PBRM1: variants seen among roughly 807,000 people sequenced by gnomAD.
PBRM1 encodes protein polybromo-1.
Under a neutral mutation model 194.5 loss-of-function variants are expected in PBRM1, and 27 were observed. The observed-to-expected ratio is 0.14, with a 90% CI of 0.10 to 0.19. PBRM1 has a LOEUF of 0.19. Among genes scored for constraint, PBRM1 ranks in the 10% least tolerant of loss-of-function variants. PBRM1 has a pLI of 1.00. For synonymous variants in PBRM1, 655 were observed against 693.2 expected, an observed-to-expected ratio of 0.94 and a Z score of 0.87; for missense variants, 1,466 against 2,077.2, an observed-to-expected ratio of 0.71 and a Z score of 5.72.
chr3:52,650,385 TAA>T (rs35462727), intron 6 of PBRM1, among the ~76,000 whole-genome samples: 1 of 119,344 alleles, frequency 8.4e-6, no homozygotes, highest in Non-Finnish European at 1.7e-5. Flanking sequence ...AAAAAAACCC[TAA>T]AAAAAAAAAA....
At chr3:52,659,043 G>C (rs530033508) in intron 4 of PBRM1, among the ~76,000 whole-genome samples, 6 of 152,224 alleles carry the variant, frequency 3.9e-5, no homozygotes, top group African/African-American at 1.4e-4. Context: ...CATAGAGTTG[G>C]GACTACATAC....
At chr3:52,667,812 C>T (rs529625360) in intron 3 of PBRM1, among the ~76,000 whole-genome samples, 42 of 148,742 alleles carry the variant, frequency 2.8e-4, no homozygotes, top group African/African-American at 1.0e-3. Flanking sequence ...GTAGTCCCAG[C>T]TACTCATGAG....
At chr3:52,569,501 C>T (rs1433359824) in intron 22 of PBRM1, among the ~76,000 whole-genome samples, 2 of 152,190 alleles carry the variant, frequency 1.3e-5, no homozygotes, top group African/African-American at 2.4e-5. Flanking sequence ...TGAGCCACCG[C>T]GCCCGGCCTT....
chr3:52,679,641 T>C (rs775590005), exon 1 of PBRM1: 18 of 1,613,990 alleles, frequency 1.1e-5, no homozygotes, highest in Middle Eastern at 3.3e-4. Context: ...TGACACAGAA[T>C]GGTGCCCATC....
intron 15 of PBRM1, among the ~76,000 whole-genome samples, chr3:52,610,307 T>C (rs931435560): frequency 6.6e-6 from 1 of 152,224 alleles, no homozygotes; most frequent in African/African-American, 2.4e-5. Flanking sequence ...AGGACATTAA[T>C]AATTACCTTG....
chr3:52,580,924 A>G (rs938735467), intron 20 of PBRM1, among the ~76,000 whole-genome samples: 2 of 152,216 alleles, frequency 1.3e-5, no homozygotes, highest in African/African-American at 4.8e-5. Flanking sequence ...AAAAAAGAAA[A>G]AGCAAAAAGA....
At chr3:52,587,248 G>T (rs747406202) in intron 19 of PBRM1, 105 bp downstream of exon 21, 718 of 880,734 alleles carry the variant, frequency 8.2e-4, no homozygotes, top group Non-Finnish European at 1.1e-3. Context: ...TTAAAAAATA[G>T]CTTAAAACAG....
chr3:52,609,418 G>T lies in PBRM1; in HGVS notation c.2462C>A (p.Thr821Lys), dbSNP rs771658417. 1 of 1,613,708 alleles carries T rather than the reference G, an allele frequency of 6.2e-7. No individual in the cohort carries two copies. Among genetic ancestry groups the T allele is most frequent in the East Asian group, 2.2e-5 (1 of 44,884 alleles). Residue 821 changes from threonine (T) to lysine (K), a missense_variant, in exon 16 of 30, where the codon ACA becomes AAA. Physicochemically the swap from Thr to Lys is moderately conservative, Grantham distance 78. This residue lies in a region of PBRM1 where 687 missense variants were observed against 946.2 expected (regional missense o/e 0.73). Transcript: ENST00000296302. This position sits in a 1 kb window ranked among gnomAD's most constrained non-coding sequence, Gnocchi z 4.1. ...AACATTCTTCCTAATTATGTCAAAT[G>T]TAAGGGGTGGTTTGTTAGGAAAGTT...
intron 19 of PBRM1, 59 bp from the exon 22 acceptor site, chr3:52,586,747 T>TTAAAA: frequency 6.9e-6 from 1 of 145,086 alleles, no homozygotes; most frequent in Non-Finnish European, 1.1e-5. Context: ...TGAAAATCAA[T>TTAAAA]CAAAAAAAAA....
intron 21 of PBRM1, among the ~76,000 whole-genome samples, chr3:52,577,864 C>T (rs947270312): frequency 4.6e-5 from 7 of 152,168 alleles, no homozygotes; most frequent in Non-Finnish European, 8.8e-5. Context: ...AAGATCTAAA[C>T]CAAATGTCAC....
intron 3 of PBRM1, 74 bp downstream of exon 4, chr3:52,668,424 T>C: frequency 9.0e-7 from 1 of 1,114,424 alleles, no homozygotes; most frequent in South Asian, 1.6e-5. Flanking sequence ...CTGCCAGGTT[T>C]ATAAATATTA....
At chr3:52,565,481 C>T (rs2084894131) in intron 22 of PBRM1, among the ~76,000 whole-genome samples, 1 of 151,280 alleles carries the variant, frequency 6.6e-6, no homozygotes, top group African/African-American at 2.4e-5. Flanking sequence ...GCACTCCAGC[C>T]TGGGCAATAG....
downstream of PBRM1, chr3:52,545,378 A>G (rs2079575497): frequency 4.4e-6 from 1 of 227,248 alleles, no homozygotes; most frequent in Admixed American, 5.7e-5. Context: ...CACTTTGCAA[A>G]CTCTGTATTT....
At chr3:52,606,364 C>T (rs989974759) in intron 16 of PBRM1, among the ~76,000 whole-genome samples, 6 of 152,042 alleles carry the variant, frequency 3.9e-5, no homozygotes, top group African/African-American at 1.4e-4. Flanking sequence ...ATTCTGTTCA[C>T]TTGAAATTAA....
At chr3:52,656,425 A>G (rs976370826) in intron 5 of PBRM1, among the ~76,000 whole-genome samples, 3 of 152,160 alleles carry the variant, frequency 2.0e-5, no homozygotes, top group African/African-American at 7.2e-5. Context: ...GCACTCTGGG[A>G]GGCTGAGGCA....
intron 2 of PBRM1, among the ~76,000 whole-genome samples, chr3:52,669,010 T>C (rs1404929750): frequency 6.6e-6 from 1 of 152,136 alleles, no homozygotes; most frequent in Non-Finnish European, 1.5e-5. Flanking sequence ...CTCAAAAGTG[T>C]GAAAACAGAG....
At chr3:52,641,812 C>T in intron 10 of PBRM1, 142 bp downstream of exon 11, 1 of 731,306 alleles carries the variant, frequency 1.4e-6, no homozygotes, top group Non-Finnish European at 2.5e-6. Flanking sequence ...ATAGGTCTGA[C>T]TACCAGAGTA....
chr3:52,612,506 C>G (rs921816965), intron 15 of PBRM1, among the ~76,000 whole-genome samples: 1 of 151,994 alleles, frequency 6.6e-6, no homozygotes, highest in Non-Finnish European at 1.5e-5. Flanking sequence ...GCCTGTCTAA[C>G]CTAGAACTTG....
At position 52,603,506 on chromosome 3, in the gene PBRM1, TGAAAA is replaced by T. The variant is rs1426285278; in HGVS notation, c.2779+10_2779+14del. On this transcript the variant is annotated intron_variant, in intron 17 of 29. Coordinates refer to ENST00000296302, the Ensembl canonical transcript of PBRM1. ...GTGCATTTTTTCATATTCAATAAAA[TGAAAA>T]GAAACCAACCTCTTTTTTCTTCTTC... 1.3e-6 allele frequency: 2 copies of T among 1,588,214 alleles called. No individual in the cohort carries two copies. The highest frequency in any genetic ancestry group is 1.7e-6 in the Non-Finnish European group (2 of 1,163,856).
Sources: gnomAD v4.1 joint callset for allele counts (sites outside exome capture counted in the v4.1 genomes callset) on GRCh38, gnomAD v4.1.1 for gene constraint, gnomAD v4.1.1 regional missense constraint, Gnocchi (gnomAD v3.1) non-coding constraint, MANE v1.5 for transcripts, NCBI Gene and HGNC (gene_info 2026-07-23, HGNC 2026-07-21) for gene names.